PPP1R13B: variants seen among roughly 807,000 people sequenced by gnomAD.
PPP1R13B encodes apoptosis-stimulating of p53 protein 1.
Under a neutral mutation model 119.8 loss-of-function variants are expected in PPP1R13B, and 44 were observed. The observed-to-expected ratio is 0.37, with a 90% CI of 0.29 to 0.47. The LOEUF is 0.47. Among genes scored for constraint, PPP1R13B ranks in the 20% least tolerant of loss-of-function variants. The pLI, the probability that PPP1R13B is intolerant of heterozygous loss-of-function variation, is 0.99. For missense variants in PPP1R13B, 1,227 were observed against 1,413.5 expected, an observed-to-expected ratio of 0.87 and a Z score of 2.12; for synonymous variants, 542 against 561.5, an observed-to-expected ratio of 0.97 and a Z score of 0.49.
chr14:103,844,984 G>T (rs1386596781), intron 1 of PPP1R13B, among the ~76,000 whole-genome samples: 1 of 152,030 alleles, frequency 6.6e-6, no homozygotes, highest in African/African-American at 2.4e-5. Context: ...TTTTCATATT[G>T]AATACGTGTT....
chr14:103,738,664 TC>T lies in PPP1R13B; in HGVS notation c.2864+14del. On this transcript the variant is annotated intron_variant, in intron 14 of 16. Coordinates refer to ENST00000202556, the MANE Select transcript of PPP1R13B (RefSeq NM_015316.3). This position sits in a 1 kb window ranked among gnomAD's most constrained non-coding sequence, Gnocchi z 5.6. ...GAAAGTAAATCTGTCCACCCCACAC[TC>T]CTACGGGCCTCACCATCCATCACTA... The T allele has an allele frequency of 1.2e-6, 2 of 1,613,976 alleles. No individual in the cohort carries two copies. The highest frequency in any genetic ancestry group is 1.7e-6 in the Non-Finnish European group (2 of 1,179,856).
At position 103,746,423 on chromosome 14, in the gene PPP1R13B, G is replaced by A; in HGVS notation, c.1100C>T (p.Pro367Leu). The A allele has an allele frequency of 6.2e-7, 1 of 1,613,878 alleles. No individual in the cohort carries two copies. The highest frequency in any genetic ancestry group is 1.7e-4 in the Middle Eastern group (1 of 6,060). ...ATTTGAGGCAATACTGAGAGACTGG[G>A]GCTTTATAGGGTCCCCCAGCACAGG... ...SFPVLGDPIK[P>L]QSLSIASNAA... Residue 367 changes from proline (P) to leucine (L), a missense_variant, in exon 9 of 17, where the codon CCC (proline) becomes CTC (leucine). Physicochemically the swap from Pro to Leu is moderately conservative, Grantham distance 98. Transcript: ENST00000202556.
intron 4 of PPP1R13B, among the ~76,000 whole-genome samples, chr14:103,759,840 C>G (rs1039999620): frequency 2.0e-5 from 3 of 152,128 alleles, no homozygotes; most frequent in African/African-American, 7.2e-5. Context: ...ATTTTACTTA[C>G]CTAAACCAAA....
rs1384049270 is a variant in PPP1R13B, at chr14:103,734,691, T to C, written c.*463A>G. The C allele has an allele frequency of 2.2e-6, 1 of 457,198 alleles. No individual in the cohort carries two copies. Among genetic ancestry groups the C allele is most frequent in the Non-Finnish European group, 4.4e-6 (1 of 227,404 alleles). 28.3% of individuals were successfully genotyped at this position (457,198 alleles called of 1,614,324 possible). On this transcript the variant is annotated 3_prime_UTR_variant, in exon 17 of 17. Transcript: ENST00000202556. ...TTGGTGATGAAGGGAAGAAGGATCA[T>C]GTGTGGGAAGTGTGAGAAAGGATGA...
rs751160937 is a variant in PPP1R13B, at chr14:103,778,816, G to A, written c.283C>T (p.Arg95Cys). The A allele has an allele frequency of 1.7e-5, 27 of 1,613,104 alleles. No individual in the cohort carries two copies. The highest frequency in any genetic ancestry group is 1.6e-4 in the Middle Eastern group (1 of 6,082). The change falls in exon 4 of 17, where the codon CGT becomes TGT. Residue 95 changes from arginine (R) to cysteine (C), a missense_variant. Arg to Cys is a radical substitution (Grantham distance 180). Transcript: ENST00000202556. ...TGAGTTCGTTGCTCTTGGGTCTGAC[G>A]GCCACCTAAAGAAATAAAAGAACCA... is the stretch of plus-strand genomic sequence containing the variant. ...SPTENSEQGG[R>C]QTQEQRTQRN... is the part of the protein sequence containing the mutation.
intron 1 of PPP1R13B, among the ~76,000 whole-genome samples, chr14:103,844,396 TGA>T (rs1305037544): frequency 1.3e-5 from 2 of 152,144 alleles, no homozygotes; most frequent in Admixed American, 6.5e-5. Context: ...TCTCAACAGC[TGA>T]GAGACTGGGC....
rs1595787114 is a variant in PPP1R13B at position 103,797,368 on chromosome 14, T to C, written c.157+3A>G. The stretch of plus-strand genomic sequence containing the variant: ...AACAATCTTTACAGGACCTAATACA[T>C]ACCATTTCCCCTCCACACTTCAGCT... On this transcript the variant is annotated splice_donor_region_variant and intron_variant, in intron 2 of 16. Transcript: ENST00000202556. The C allele has an allele frequency of 6.2e-7, 1 of 1,613,536 alleles. No homozygotes were observed.
intron 11 of PPP1R13B, 76 bp downstream of exon 11, chr14:103,741,714 G>T: frequency 6.7e-7 from 1 of 1,490,800 alleles, no homozygotes; most frequent in Non-Finnish European, 9.0e-7. Context: ...CAAACGTAAA[G>T]AAATACATTA....
At chr14:103,832,803 G>A (rs1263409500) in intron 1 of PPP1R13B, among the ~76,000 whole-genome samples, 2 of 152,102 alleles carry the variant, frequency 1.3e-5, no homozygotes, top group Non-Finnish European at 2.9e-5. Context: ...CCAACATGGC[G>A]AAACTTCGTC....
chr14:103,823,707 T>C (rs998171437), intron 1 of PPP1R13B, among the ~76,000 whole-genome samples: 2 of 152,194 alleles, frequency 1.3e-5, no homozygotes. Flanking sequence ...CACCCACTTA[T>C]TGACATTTAC....
intron 1 of PPP1R13B, among the ~76,000 whole-genome samples, chr14:103,842,752 G>C (rs1595851882): frequency 6.6e-6 from 1 of 150,958 alleles, no homozygotes; most frequent in Middle Eastern, 3.4e-3. Flanking sequence ...GAGGCAGGTG[G>C]ATCACCTGAG....
intron 1 of PPP1R13B, among the ~76,000 whole-genome samples, chr14:103,843,034 C>A (rs528848543): frequency 6.6e-6 from 1 of 151,796 alleles, no homozygotes; most frequent in Non-Finnish European, 1.5e-5. Flanking sequence ...CATCTATGCA[C>A]GAAAAGTTTT....
At chr14:103,811,820 G>A (rs1339359022) in intron 1 of PPP1R13B, among the ~76,000 whole-genome samples, 2 of 151,862 alleles carry the variant, frequency 1.3e-5, no homozygotes, top group Non-Finnish European at 2.9e-5. Flanking sequence ...ACTTTGGGAG[G>A]CCAAGGCTGG....
intron 1 of PPP1R13B, among the ~76,000 whole-genome samples, chr14:103,819,521 A>G (rs12895338): frequency 6.6e-6 from 1 of 151,900 alleles, no homozygotes; most frequent in Non-Finnish European, 1.5e-5. Context: ...ACAAACAAAA[A>G]AAAACAACAA....
rs1167695880 is a variant in PPP1R13B, at chr14:103,733,942, T to TAA, written c.*1210_*1211dup. 2.6e-5 allele frequency: 4 copies of TAA among 156,862 alleles called. No individual in the cohort carries two copies. Among genetic ancestry groups the TAA allele is most frequent in the Non-Finnish European group, 5.7e-5 (4 of 70,672 alleles). 9.7% of individuals were successfully genotyped at this position (156,862 alleles called of 1,614,324 possible). ...GTGAGTCTGTACACACATTTTTACA[T>TAA]AAATTACACACGACTCATACATGAA... is the stretch of plus-strand genomic sequence containing the variant. On this transcript the variant is annotated 3_prime_UTR_variant, in exon 17 of 17. Transcript: ENST00000202556.
Position 103,779,305 on chromosome 14 carries a change from T to TA in PPP1R13B, c.278-485dup, listed in dbSNP as rs1383362779. On this transcript the variant is annotated intron_variant, in intron 3 of 16. Transcript: ENST00000202556. Reference sequence around the variant, plus strand: ...CTGGGCAACAGAGCAAGACCCTGTTTAAAAAAAATAAATTAAAAATAAATG... The same window carrying TA: ...CTGGGCAACAGAGCAAGACCCTGTTTAAAAAAAAATAAATTAAAAATAAATG... Among the ~76,000 whole-genome samples, 5 of 151,700 alleles carry TA rather than the reference T, an allele frequency of 3.3e-5. 1 individual carries two copies. Among genetic ancestry groups the TA allele is most frequent in the African/African-American group, 7.3e-5 (3 of 41,274 alleles).
intron 1 of PPP1R13B, among the ~76,000 whole-genome samples, chr14:103,846,421 T>C (rs2087034992): frequency 6.6e-6 from 1 of 152,198 alleles, no homozygotes; most frequent in African/African-American, 2.4e-5. Flanking sequence ...CGTAGTATTG[T>C]AGGTTAAAAA....
chr14:103,801,911 T>A (rs1595793741), intron 1 of PPP1R13B, among the ~76,000 whole-genome samples: 2 of 152,208 alleles, frequency 1.3e-5, no homozygotes, highest in Non-Finnish European at 1.5e-5. Context: ...ATAAATTTTT[T>A]AAAAATTAAG....
rs1383964078 is a variant in PPP1R13B at position 103,740,184 on chromosome 14, C to T, written c.2232G>A (p.Gln744=). 1 of 1,613,792 alleles carries T rather than the reference C, an allele frequency of 6.2e-7. No homozygotes were observed. The highest frequency in any genetic ancestry group is 2.2e-5 in the East Asian group (1 of 44,870). Residue 744 remains glutamine, a synonymous_variant, in exon 12 of 17, where the codon CAG becomes CAA. Transcript: ENST00000202556. The surrounding 1 kb of genome is among the most constrained non-coding windows in gnomAD (Gnocchi z 4.6). ...CCATGAAGTCCTGGGAGGGGCTGGG[C>T]TGGTAGAAAGGGGTGCCCTCCATGC... ...AGGMEGTPFY[Q]PSPSQDFMGT... is the part of the protein sequence containing the mutation.
Sources: allele counts gnomAD v4.1 joint callset (sites outside exome capture counted in the v4.1 genomes callset), GRCh38; gene constraint gnomAD v4.1.1; non-coding constraint Gnocchi (gnomAD v3.1); transcripts MANE v1.5; gene names NCBI Gene and HGNC (gene_info 2026-07-23, HGNC 2026-07-21).